IGF2R: variants seen among roughly 807,000 people sequenced by gnomAD.
The protein encoded by IGF2R is cation-independent mannose-6-phosphate receptor.
IGF2R carries 91 observed loss-of-function variants against 270.6 expected under a neutral mutation model. The ratio of observed to expected loss-of-function variants is 0.34; its 90% CI spans 0.28 to 0.40. The LOEUF (loss-of-function observed/expected upper bound fraction) is 0.40, where lower values mean the gene tolerates loss of function less well. Among genes scored for constraint, IGF2R ranks in the 10% least tolerant of loss-of-function variants. IGF2R has a pLI of 1.00. For missense variants in IGF2R, 2,805 were observed against 3,188.3 expected (o/e 0.88, Z 2.90); for synonymous variants, 1,316 against 1,258.9 (o/e 1.05, Z -0.96).
At chr6:160,013,735 AT>A (rs888870720) in intron 4 of IGF2R, among the ~76,000 whole-genome samples, 20 of 151,242 alleles carry the variant, frequency 1.3e-4, no homozygotes, top group African/African-American at 1.7e-4. Context: ...TCATTAACTC[AT>A]TTTTTTTTGT....
At chr6:160,087,508 C>G (rs1358035307) in intron 41 of IGF2R, among the ~76,000 whole-genome samples, 2 of 152,166 alleles carry the variant, frequency 1.3e-5, no homozygotes, top group East Asian at 3.8e-4. Context: ...TGGGTTTGAC[C>G]CCAGGTCTTA....
chr6:160,088,098 G>A lies in IGF2R; in HGVS notation c.6271G>A (p.Val2091Met), dbSNP rs767164940. Residue 2091 changes from valine to methionine, a missense_variant, in exon 42 of 48, where the codon GTG (valine) becomes ATG (methionine). Val to Met is a conservative substitution (Grantham distance 21). Coordinates refer to ENST00000356956, the MANE Select transcript of IGF2R (RefSeq NM_000876.4). The stretch of plus-strand genomic sequence containing the variant: ...TGGTGGAAATAAGACCGCATCCTCC[G>A]TGATAGAATTGACCTGTACAAAGAC... ...PCGGNKTASS[V>M]IELTCTKTVG... 1.4e-5 allele frequency: 23 copies of A among 1,613,898 alleles called. No individual in the cohort carries two copies. Among genetic ancestry groups the A allele is most frequent in the Admixed American group, 1.7e-5 (1 of 60,004 alleles).
At chr6:160,099,867 T>TA (rs1779445110) in intron 45 of IGF2R, among the ~76,000 whole-genome samples, 1 of 152,118 alleles carries the variant, frequency 6.6e-6, no homozygotes, top group Non-Finnish European at 1.5e-5. Context: ...GATAGCATCA[T>TA]ATGAAAGTAA....
At chr6:159,982,455 A>G (rs1783820877) in intron 1 of IGF2R, among the ~76,000 whole-genome samples, 2 of 152,216 alleles carry the variant, frequency 1.3e-5, no homozygotes, top group African/African-American at 4.8e-5. Context: ...TGTCTCCAAC[A>G]TGTTAGATTT....
Position 160,105,229 on chromosome 6 carries a change from G to A in IGF2R, c.*145G>A. ...AAGAGTTTTTGTGATGGGGGAGAGG[G>A]TGAAGGAGGTCAGGCCCCACTCCTT... On this transcript the variant is annotated 3_prime_UTR_variant, in exon 48 of 48. Transcript: ENST00000356956. 4.5e-6 allele frequency: 3 copies of A among 668,204 alleles called. No homozygotes were observed. Among genetic ancestry groups the A allele is most frequent in the Non-Finnish European group, 7.5e-6 (3 of 398,062 alleles). 41.4% of individuals were successfully genotyped at this position (668,204 alleles called of 1,614,324 possible). A position where few individuals can be genotyped will look rare whatever the true frequency, so the allele number is the denominator to read the frequency against.
In IGF2R at chr6:160,032,701, G is replaced by C. The variant is rs1377906141; in HGVS notation, c.1033G>C (p.Ala345Pro). The C allele has an allele frequency of 1.9e-6, 3 of 1,613,808 alleles. No homozygotes were observed. The change falls in exon 8 of 48, where the codon GCC becomes CCC. Residue 345 changes from alanine (A) to proline (P), a missense_variant. By Grantham distance (27) the Ala-to-Pro change is conservative (BLOSUM62 -1). Coordinates refer to ENST00000356956, the MANE Select transcript of IGF2R (RefSeq NM_000876.4). ...TGTCTCCATAGACCTCACACCACTT[G>C]CCCAGAGCGGAGGTAAGCAGGTGCT... Reference protein sequence around the residue: ...QDVSIDLTPLAQSGGSSYISD... With the variant: ...QDVSIDLTPLPQSGGSSYISD...
At chr6:160,009,167 T>TAAA in intron 3 of IGF2R, 33 bp downstream of exon 3, 5 of 1,210,254 alleles carry the variant, frequency 4.1e-6, no homozygotes, top group East Asian at 2.8e-5. Context: ...TGTATTTCTT[T>TAAA]AAAAAAAAAA....
In IGF2R at chr6:160,091,601, A is replaced by G. The variant is rs551979730; in HGVS notation, c.6655+1498A>G. 9.8e-5 allele frequency among the ~76,000 whole-genome samples: 15 copies of G among 152,356 alleles called. No individual in the cohort carries two copies. The South Asian group carries it at 3.1e-3, about 32-fold the overall frequency. ...GATGATGGGAAAGTTGATCAGCCTCATTCACTTGCATAACTCCACAGCACG... is the reference window on the plus strand; with the variant it reads ...GATGATGGGAAAGTTGATCAGCCTCGTTCACTTGCATAACTCCACAGCACG... On this transcript the variant is annotated intron_variant, in intron 44 of 47. Transcript: ENST00000356956.
At chr6:160,034,594 T>G in intron 10 of IGF2R, 72 bp downstream of exon 10, 1 of 1,008,190 alleles carries the variant, frequency 9.9e-7, no homozygotes, top group South Asian at 1.3e-5. Flanking sequence ...TGCACAGGCG[T>G]GTTCTTGGAA....
intron 30 of IGF2R, among the ~76,000 whole-genome samples, chr6:160,069,476 A>T (rs1778667216): frequency 6.6e-6 from 1 of 152,160 alleles, no homozygotes; most frequent in African/African-American, 2.4e-5. Flanking sequence ...CATTTTAGGG[A>T]CTGGGAAACA....
chr6:160,036,634 C>T (rs549220631), intron 10 of IGF2R, among the ~76,000 whole-genome samples: 7 of 152,076 alleles, frequency 4.6e-5, no homozygotes, highest in Non-Finnish European at 7.4e-5. Context: ...CCAAAAAGAT[C>T]GAAATGGACG....
chr6:160,070,646 C>T (rs748443935), intron 31 of IGF2R, among the ~76,000 whole-genome samples: 59 of 152,172 alleles, frequency 3.9e-4, no homozygotes, highest in African/African-American at 1.3e-3. Flanking sequence ...AAGCAGGTGT[C>T]GACTGCATAC....
intron 1 of IGF2R, among the ~76,000 whole-genome samples, chr6:159,977,450 C>A (rs115839692): frequency 2.0e-5 from 3 of 151,902 alleles, no homozygotes; most frequent in African/African-American, 4.8e-5. Context: ...CTGTTCTTGG[C>A]GCTTTAGGTC....
chr6:160,040,852 T>C, intron 11 of IGF2R, 128 bp downstream of exon 11: 1 of 866,230 alleles, frequency 1.2e-6, no homozygotes, highest in Non-Finnish European at 1.8e-6. Flanking sequence ...CCCCAGTTTT[T>C]TCATGTGGCT....
chr6:160,090,183 A>G, intron 44 of IGF2R, 80 bp downstream of exon 44: 11 of 1,029,794 alleles, frequency 1.1e-5, no homozygotes, highest in Non-Finnish European at 1.5e-5. Flanking sequence ...AACTCCCTTC[A>G]GTTGAAATCT....
chr6:159,984,324 G>A (rs1183751317), intron 1 of IGF2R, among the ~76,000 whole-genome samples: 1 of 152,172 alleles, frequency 6.6e-6, no homozygotes, highest in African/African-American at 2.4e-5. Flanking sequence ...GTAGCACAAT[G>A]CATTAGTCAC....
intron 4 of IGF2R, among the ~76,000 whole-genome samples, chr6:160,014,643 T>C (rs1777244740): frequency 6.6e-6 from 1 of 152,238 alleles, no homozygotes; most frequent in Non-Finnish European, 1.5e-5. Flanking sequence ...TTTTCCATCA[T>C]AGGCTTTTAT....
intron 14 of IGF2R, 90 bp from the exon 15 acceptor site, chr6:160,046,408 G>T: frequency 2.3e-6 from 3 of 1,318,850 alleles, no homozygotes; most frequent in Non-Finnish European, 2.1e-6. Context: ...CTCCTGGGAA[G>T]AACCTCTCCC....
intron 2 of IGF2R, among the ~76,000 whole-genome samples, chr6:159,992,561 G>T (rs1783994942): frequency 1.3e-5 from 2 of 151,210 alleles, no homozygotes; most frequent in African/African-American, 2.4e-5. Flanking sequence ...CTTTTTTATG[G>T]CCAACATGTG....
Sources: allele counts gnomAD v4.1 joint callset (sites outside exome capture counted in the v4.1 genomes callset), GRCh38; gene constraint gnomAD v4.1.1; transcripts MANE v1.5; gene names NCBI Gene and HGNC (gene_info 2026-07-23, HGNC 2026-07-21).